The following AOPEP variants were observed in gnomAD, a reference collection of about 807,000 sequenced individuals.
AOPEP encodes aminopeptidase O (putative).
A neutral mutation model predicts 98.1 loss-of-function variants in AOPEP; 77 were observed. The ratio of observed to expected loss-of-function variants is 0.78; its 90% CI spans 0.65 to 0.95. The LOEUF is 0.95. Ranked by LOEUF, AOPEP falls within the 40% of genes least tolerant of loss-of-function variation. AOPEP has a pLI of 0.00. For synonymous variants in AOPEP, 346 were observed against 365.3 expected (o/e 0.95, Z 0.60); for missense variants, 1,024 against 1,024.7 (o/e 1.00, Z 0.01).
the AOPEP span, chr9:95,126,642 T>C: frequency 1.9e-6 from 3 of 1,554,242 alleles, no homozygotes; most frequent in Non-Finnish European, 1.8e-6. Flanking sequence ...AGAAACTTGC[T>C]ATTATCAGCC....
intron 14 of AOPEP, among the ~76,000 whole-genome samples, chr9:95,062,380 G>A (rs1438367561): frequency 6.6e-6 from 1 of 152,236 alleles, no homozygotes; most frequent in Non-Finnish European, 1.5e-5. Flanking sequence ...AGATGCATAT[G>A]TAAAGCTGCC....
chr9:95,107,773 C>T, the AOPEP span, among the ~76,000 whole-genome samples: 7 of 152,214 alleles, frequency 4.6e-5, no homozygotes, highest in East Asian at 3.9e-4. Context: ...TACACAAGCA[C>T]GGTCATACAC....
chr9:94,950,792 A>G (rs1235810129), intron 7 of AOPEP, among the ~76,000 whole-genome samples: 1 of 152,202 alleles, frequency 6.6e-6, no homozygotes, highest in Non-Finnish European at 1.5e-5. Flanking sequence ...TGTGAGAGGA[A>G]GAGTGCTGCT....
At chr9:94,982,702 G>A (rs1027473762) in intron 11 of AOPEP, among the ~76,000 whole-genome samples, 6 of 151,304 alleles carry the variant, frequency 4.0e-5, no homozygotes, top group East Asian at 2.0e-4. Flanking sequence ...GAGCTGCACC[G>A]CTTCCTGATG....
At chr9:95,102,132 C>T in the AOPEP span, among the ~76,000 whole-genome samples, 8 of 152,228 alleles carry the variant, frequency 5.3e-5, no homozygotes, top group South Asian at 1.7e-3. Context: ...CACAAACAAG[C>T]GCTGCTTGCA....
intron 10 of AOPEP, among the ~76,000 whole-genome samples, chr9:94,971,525 C>T (rs1194071290): frequency 2.0e-5 from 3 of 152,116 alleles, no homozygotes; most frequent in Non-Finnish European, 4.4e-5. Flanking sequence ...CCCACACCTA[C>T]CCCCCGGAGC....
intron 3 of AOPEP, among the ~76,000 whole-genome samples, chr9:94,773,574 G>A (rs1296002123): frequency 6.6e-6 from 1 of 152,132 alleles, no homozygotes; most frequent in East Asian, 1.9e-4. Flanking sequence ...GCTCTTGTTG[G>A]CTGGCCCACT....
the AOPEP span, among the ~76,000 whole-genome samples, chr9:95,115,234 G>A: frequency 5.1e-4 from 78 of 152,282 alleles, no homozygotes; most frequent in African/African-American, 1.8e-3. Flanking sequence ...TAATCACCAC[G>A]CTTGCCCTCA....
intron 13 of AOPEP, among the ~76,000 whole-genome samples, chr9:95,007,684 G>C (rs2062141948): frequency 1.3e-5 from 2 of 152,178 alleles, no homozygotes; most frequent in South Asian, 4.1e-4. Context: ...TGAACTGTCA[G>C]TGTTTCCAAT....
At chr9:94,743,193 A>AGAAGGAAGAAGAG (rs1554695831) in intron 1 of AOPEP, among the ~76,000 whole-genome samples, 5 of 121,932 alleles carry the variant, frequency 4.1e-5, no homozygotes, top group Non-Finnish European at 8.6e-5. Flanking sequence ...AAGAAGAAGA[A>AGAAGGAAGAAGAG]GAAGAAGAGG....
At chr9:94,810,438 C>T (rs1424943503) in intron 5 of AOPEP, among the ~76,000 whole-genome samples, 5 of 151,812 alleles carry the variant, frequency 3.3e-5, no homozygotes, top group Non-Finnish European at 7.4e-5. Flanking sequence ...CCTCAGCCTC[C>T]CGAGTAGATG....
chr9:95,145,269 C>A, the AOPEP span: 3 of 152,106 alleles, frequency 2.0e-5, no homozygotes, highest in Non-Finnish European at 4.4e-5. Context: ...GGAGAAGATC[C>A]ATTTATGACA....
chr9:94,826,283 T>C (rs1328170803), intron 5 of AOPEP, among the ~76,000 whole-genome samples: 1 of 152,178 alleles, frequency 6.6e-6, no homozygotes, highest in East Asian at 1.9e-4. Flanking sequence ...TCTTGGCAGA[T>C]GGAAGAAACA....
intron 16 of AOPEP, among the ~76,000 whole-genome samples, chr9:95,084,413 A>C (rs1359564688): frequency 6.6e-6 from 1 of 152,246 alleles, no homozygotes; most frequent in Non-Finnish European, 1.5e-5. Flanking sequence ...TCTCGTAGCG[A>C]AACGCCTGCT....
intron 1 of AOPEP, among the ~76,000 whole-genome samples, chr9:94,738,336 G>A (rs1002868529): frequency 2.0e-5 from 3 of 152,134 alleles, no homozygotes; most frequent in African/African-American, 7.2e-5. Context: ...GACAACACCT[G>A]GGGAAGTTTT....
At chr9:94,886,790 G>A (rs538593814) in intron 5 of AOPEP, among the ~76,000 whole-genome samples, 1 of 152,174 alleles carries the variant, frequency 6.6e-6, no homozygotes, top group Admixed American at 6.5e-5. Context: ...CAATCATCCT[G>A]AAAATTCTTT....
At chr9:95,130,536 AGTT>A in the AOPEP span, among the ~76,000 whole-genome samples, 3 of 152,218 alleles carry the variant, frequency 2.0e-5, no homozygotes, top group Non-Finnish European at 4.4e-5. Context: ...GAGAAGCTGA[AGTT>A]CATTAAGCCT....
At chr9:94,882,474 C>T (rs1021649475) in intron 5 of AOPEP, among the ~76,000 whole-genome samples, 1 of 152,132 alleles carries the variant, frequency 6.6e-6, no homozygotes, top group African/African-American at 2.4e-5. Flanking sequence ...CAATCTTATC[C>T]AAAATAAAAC....
At chr9:95,052,990 A>C (rs1405868317) in intron 13 of AOPEP, among the ~76,000 whole-genome samples, 1 of 152,140 alleles carries the variant, frequency 6.6e-6, no homozygotes, top group Non-Finnish European at 1.5e-5. Context: ...TTCTCGGTGC[A>C]CACTTAGTGC....
Sources: gnomAD v4.1 joint callset for allele counts (sites outside exome capture counted in the v4.1 genomes callset) on GRCh38, gnomAD v4.1.1 for gene constraint, MANE v1.5 for transcripts, NCBI Gene and HGNC (gene_info 2026-07-23, HGNC 2026-07-21) for gene names.